GPM6A: variants seen among roughly 807,000 people sequenced by gnomAD.
GPM6A encodes neuronal membrane glycoprotein M6-a.
In GPM6A, 7 loss-of-function variants were observed where a neutral mutation model predicts 32.1. The observed-to-expected ratio is 0.22, with a 90% confidence interval of 0.12 to 0.41. The LOEUF (loss-of-function observed/expected upper bound fraction) is 0.41. GPM6A is among the 10% of genes least tolerant of loss of function. GPM6A has a pLI of 1.00. For missense variants in GPM6A, 235 were observed against 347.2 expected (o/e 0.68, Z 2.57); for synonymous variants, 130 against 123.4 (o/e 1.05, Z -0.35).
intron 1 of GPM6A, among the ~76,000 whole-genome samples, chr4:175,860,805 T>A (rs563358132): frequency 6.6e-6 from 1 of 152,336 alleles, no homozygotes; most frequent in South Asian, 2.1e-4. Context: ...GGTCAGCTAC[T>A]ATGTTTAAGC....
chr4:175,854,428 A>G (rs1297890711), intron 1 of GPM6A, among the ~76,000 whole-genome samples: 1 of 152,208 alleles, frequency 6.6e-6, no homozygotes, highest in East Asian at 1.9e-4. Flanking sequence ...TGACTGGTGG[A>G]TGGACTATTA....
chr4:175,873,079 T>A (rs1736961375), intron 1 of GPM6A, among the ~76,000 whole-genome samples: 1 of 152,100 alleles, frequency 6.6e-6, no homozygotes, highest in Non-Finnish European at 1.5e-5. Flanking sequence ...TCTGTGTGTG[T>A]TTTAGCTATG....
intron 2 of GPM6A, among the ~76,000 whole-genome samples, chr4:175,682,041 A>T (rs898829512): frequency 4.6e-5 from 7 of 152,194 alleles, no homozygotes; most frequent in African/African-American, 1.7e-4. Flanking sequence ...TGTGACCAAC[A>T]TGCTGATAGT....
intron 1 of GPM6A, among the ~76,000 whole-genome samples, chr4:175,717,522 T>G (rs1164275662): frequency 1.3e-5 from 2 of 152,196 alleles, no homozygotes; most frequent in East Asian, 3.8e-4. Flanking sequence ...CAGTTGGAAT[T>G]TTATAACATT....
chr4:175,871,227 G>C (rs1021280841), intron 1 of GPM6A, among the ~76,000 whole-genome samples: 5 of 152,016 alleles, frequency 3.3e-5, no homozygotes, highest in African/African-American at 1.2e-4. Context: ...CCAGCACTTT[G>C]GGTTGCTGAG....
chr4:175,923,979 T>C (rs1033094457), intron 1 of GPM6A, among the ~76,000 whole-genome samples: 1 of 152,178 alleles, frequency 6.6e-6, no homozygotes, highest in Non-Finnish European at 1.5e-5. Context: ...ATCATCTAGG[T>C]TTGCCTAGAA....
At chr4:175,845,984 T>C (rs1347458491) in intron 1 of GPM6A, among the ~76,000 whole-genome samples, 2 of 152,046 alleles carry the variant, frequency 1.3e-5, no homozygotes, top group African/African-American at 2.4e-5. Flanking sequence ...GTACTGACCA[T>C]GTGTTTTCAC....
chr4:175,731,287 G>A (rs1481771017), intron 1 of GPM6A, among the ~76,000 whole-genome samples: 5 of 152,050 alleles, frequency 3.3e-5, no homozygotes, highest in African/African-American at 4.8e-5. Flanking sequence ...ATGCACAGCC[G>A]GTCCGTGTAC....
chr4:175,941,833 G>A lies in GPM6A; in HGVS notation c.-23+60476C>T, dbSNP rs551247574. On this transcript the variant is annotated intron_variant, in intron 1 of 7. Transcript: ENST00000280187. The stretch of plus-strand genomic sequence containing the variant: ...AAGTCTTTGCTATTGTGAACAGTGC[G>A]GCAATAAACATACGTGTGCATGTTT... Among the ~76,000 whole-genome samples, 21 of 152,180 alleles carry A rather than the reference G, an allele frequency of 1.4e-4. No homozygotes were observed. In the East Asian group the frequency reaches 1.5e-3, roughly 11 times the overall value.
chr4:175,707,610 C>T lies in GPM6A; in HGVS notation c.38-5843G>A, dbSNP rs143536210. On this transcript the variant is annotated intron_variant, in intron 1 of 6. Coordinates refer to ENST00000393658, the MANE Select transcript of GPM6A (RefSeq NM_201591.3). ...TTTTAAATTTAAGTTGATAATCATA[C>T]CACCTGTGAAAATTTTGGGCTTTAT... Among the ~76,000 whole-genome samples the T allele has an allele frequency of 9.5e-3, 1,437 of 151,968 alleles. 22 individuals are homozygous for T. The highest frequency in any genetic ancestry group is 0.033 in the African/African-American group (1,351 of 41,464).
intron 1 of GPM6A, chr4:175,970,801 G>A (rs1176108154): frequency 2.1e-5 from 9 of 437,820 alleles, no homozygotes; most frequent in South Asian, 1.3e-4. Context: ...ATTTTTCTTT[G>A]TCACCGCTTC....
intron 1 of GPM6A, among the ~76,000 whole-genome samples, chr4:175,996,255 A>G (rs1741304377): frequency 6.6e-6 from 1 of 152,230 alleles, no homozygotes; most frequent in Admixed American, 6.5e-5. Flanking sequence ...TAATAATAAA[A>G]GGAGATTTAC....
intron 1 of GPM6A, among the ~76,000 whole-genome samples, chr4:175,964,402 G>A (rs79795802): frequency 2.0e-5 from 3 of 152,220 alleles, no homozygotes; most frequent in East Asian, 3.9e-4. Flanking sequence ...ATATTAGTTC[G>A]CAGGGGCTAT....
At chr4:175,981,676 A>T (rs1462736583) in intron 1 of GPM6A, among the ~76,000 whole-genome samples, 1 of 152,122 alleles carries the variant, frequency 6.6e-6, no homozygotes, top group East Asian at 1.9e-4. Context: ...AACAGATAAA[A>T]CCATTATAAA....
Position 175,637,538 on chromosome 4 carries a change from C to CAATATATTATATATTATATAAA in GPM6A, c.685-2503_685-2482dup, listed in dbSNP as rs1740795368. ...ATATTTTTATATATATAAAAATATACAATATATTATATATTATATAAAAAT... is the reference window on the plus strand; with the variant it reads ...ATATTTTTATATATATAAAAATATACAATATATTATATATTATATAAAAATATATTATATATTATATAAAAAT... On this transcript the variant is annotated intron_variant, in intron 6 of 6. Transcript: ENST00000393658. Among the ~76,000 whole-genome samples, 38 of 4,992 alleles carry CAATATATTATATATTATATAAA rather than the reference C, an allele frequency of 7.6e-3. 1 individual carries two copies. The South Asian group carries it at 0.17, about 23-fold the overall frequency. 3.3% of individuals were successfully genotyped at this position (4,992 alleles called of 152,430 possible).
intron 1 of GPM6A, among the ~76,000 whole-genome samples, chr4:175,977,881 C>T (rs1210618915): frequency 6.6e-6 from 1 of 152,196 alleles, no homozygotes; most frequent in Non-Finnish European, 1.5e-5. Flanking sequence ...TTTTAACCTT[C>T]TTGAATTCCT....
In GPM6A at chr4:175,904,617, T is replaced by A. The variant is rs145266519; in HGVS notation, c.-22-92368A>T. On this transcript the variant is annotated intron_variant, in intron 1 of 7. Transcript: ENST00000280187. ...TGGTAACCCTGAAAGGATGAACGTT[T>A]GGAGATTTTTTGGTTTATTATATCT... Among the ~76,000 whole-genome samples the A allele has an allele frequency of 7.3e-3, 1,114 of 152,242 alleles. 17 individuals are homozygous for A. The highest frequency in any genetic ancestry group is 0.025 in the African/African-American group (1,049 of 41,552).
intron 1 of GPM6A, among the ~76,000 whole-genome samples, chr4:175,791,947 C>G (rs755384997): frequency 1.3e-5 from 2 of 152,094 alleles, no homozygotes; most frequent in Non-Finnish European, 2.9e-5. Flanking sequence ...TTTGATACCA[C>G]AACCTGTGGT....
rs1745715365 is a variant in GPM6A at position 175,714,294 on chromosome 4, C to A, written c.38-12527G>T. 2.0e-5 allele frequency among the ~76,000 whole-genome samples: 3 copies of A among 152,160 alleles called. No individual in the cohort carries two copies. In the South Asian group the frequency reaches 6.2e-4, roughly 31 times the overall value. Reference sequence around the variant, plus strand: ...TAAGAAATTTGAACGAATGATTAAACAACATATACAGTTTATAACTATATC... The same window carrying A: ...TAAGAAATTTGAACGAATGATTAAAAAACATATACAGTTTATAACTATATC... On this transcript the variant is annotated intron_variant, in intron 1 of 6. Transcript: ENST00000393658.
Sources: gnomAD v4.1 joint callset for allele counts (sites outside exome capture counted in the v4.1 genomes callset) on GRCh38, gnomAD v4.1.1 for gene constraint, MANE v1.5 for transcripts, NCBI Gene and HGNC (gene_info 2026-07-23, HGNC 2026-07-21) for gene names.